The following ZFYVE9 variants were observed in gnomAD, a reference collection of about 807,000 sequenced individuals.
ZFYVE9 encodes zinc finger FYVE domain-containing protein 9.
In ZFYVE9, 43 loss-of-function variants were observed where a neutral mutation model predicts 126.7. The ratio of observed to expected loss-of-function variants is 0.34; its 90% CI spans 0.27 to 0.44. The LOEUF (loss-of-function observed/expected upper bound fraction) is 0.44. Ranked by LOEUF, ZFYVE9 falls within the 20% of genes least tolerant of loss-of-function variation. ZFYVE9 has a pLI of 1.00. For synonymous variants in ZFYVE9, 521 were observed against 597.4 expected, an observed-to-expected ratio of 0.87 and a Z score of 1.87; for missense variants, 1,476 against 1,697.0, an observed-to-expected ratio of 0.87 and a Z score of 2.29.
intron 4 of ZFYVE9, among the ~76,000 whole-genome samples, chr1:52,241,741 CTG>C: frequency 6.6e-6 from 1 of 152,044 alleles, no homozygotes; most frequent in South Asian, 2.1e-4. Context: ...GAGATAATAT[CTG>C]TAAAAATCCT....
chr1:52,230,323 G>A (rs1241435356), intron 2 of ZFYVE9, among the ~76,000 whole-genome samples: 1 of 151,960 alleles, frequency 6.6e-6, no homozygotes, highest in Non-Finnish European at 1.5e-5. Context: ...ACTTCCCAAG[G>A]CCCCACCCCG....
At chr1:52,314,073 C>T (rs770243630) in intron 13 of ZFYVE9, among the ~76,000 whole-genome samples, 1 of 152,048 alleles carries the variant, frequency 6.6e-6, no homozygotes, top group Admixed American at 6.6e-5. Flanking sequence ...TAAAAAATTT[C>T]CAAATTTAAT....
chr1:52,333,661 A>C (rs1004012619), intron 14 of ZFYVE9, among the ~76,000 whole-genome samples: 20 of 152,180 alleles, frequency 1.3e-4, no homozygotes, highest in African/African-American at 4.6e-4. Flanking sequence ...TTAATCTAAG[A>C]AACCCCGTGT....
chr1:52,201,914 G>C (rs1015399824), intron 1 of ZFYVE9, among the ~76,000 whole-genome samples: 2 of 151,636 alleles, frequency 1.3e-5, no homozygotes, highest in African/African-American at 4.8e-5. Context: ...CTCCTGAGTA[G>C]CTGGAATTAC....
intron 14 of ZFYVE9, among the ~76,000 whole-genome samples, chr1:52,333,492 A>AT (rs1407585326): frequency 6.6e-6 from 1 of 152,094 alleles, no homozygotes; most frequent in African/African-American, 2.4e-5. Context: ...CACACCCCAG[A>AT]TTCACTAATC....
chr1:52,287,067 C>A lies in ZFYVE9; in HGVS notation c.3025+5251C>A, dbSNP rs572367721. ...GACAGAAGTAGTCTCTTCTGAACTC[C>A]CTTAATCTTTTATTTTTAATTTAAT... On this transcript the variant is annotated intron_variant, in intron 10 of 18. Coordinates refer to ENST00000287727, the MANE Select transcript of ZFYVE9 (RefSeq NM_004799.4). Among the ~76,000 whole-genome samples the A allele has an allele frequency of 2.6e-5, 4 of 152,014 alleles. No individual in the cohort carries two copies. The East Asian group carries it at 7.7e-4, about 29-fold the overall frequency.
chr1:52,287,540 A>G (rs1010474316), intron 10 of ZFYVE9, among the ~76,000 whole-genome samples: 9 of 152,272 alleles, frequency 5.9e-5, no homozygotes, highest in African/African-American at 2.2e-4. Flanking sequence ...TGATTAGGCC[A>G]TGAGGGCTTC....
At chr1:52,194,520 A>T (rs1418209498) in intron 1 of ZFYVE9, among the ~76,000 whole-genome samples, 1 of 152,226 alleles carries the variant, frequency 6.6e-6, no homozygotes, top group East Asian at 1.9e-4. Flanking sequence ...TCATAATGAA[A>T]AATACAAATT....
intron 4 of ZFYVE9, among the ~76,000 whole-genome samples, chr1:52,242,609 G>C (rs539580169): frequency 3.9e-5 from 6 of 151,938 alleles, no homozygotes; most frequent in Non-Finnish European, 8.8e-5. Context: ...TATAACGGGT[G>C]TAAGAACTTT....
At chr1:52,261,726 A>G (rs1284037999) in intron 4 of ZFYVE9, among the ~76,000 whole-genome samples, 2 of 152,250 alleles carry the variant, frequency 1.3e-5, no homozygotes, top group Admixed American at 6.5e-5. Context: ...GGTTATCATC[A>G]TGATCGTTTA....
intron 8 of ZFYVE9, 142 bp from the exon 9 acceptor site, chr1:52,278,350 A>G (rs80318843): frequency 0.056 from 59,364 of 1,061,864 alleles, 1,957 homozygotes; most frequent in African/African-American, 0.11. Flanking sequence ...GAGCCAGCAG[A>G]TACAAACCAT....
intron 4 of ZFYVE9, among the ~76,000 whole-genome samples, chr1:52,259,776 GAC>G (rs1645561072): frequency 1.3e-5 from 2 of 152,166 alleles, no homozygotes; most frequent in East Asian, 3.9e-4. Flanking sequence ...CAGCCTGGGC[GAC>G]ACAGCAAGAC....
chr1:52,194,249 A>G (rs1016796331), intron 1 of ZFYVE9, among the ~76,000 whole-genome samples: 3 of 152,248 alleles, frequency 2.0e-5, no homozygotes, highest in East Asian at 3.8e-4. Flanking sequence ...TGAAAATAGC[A>G]TAGAAAACAT....
At chr1:52,146,871 A>C (rs956747155) in intron 1 of ZFYVE9, among the ~76,000 whole-genome samples, 3 of 152,178 alleles carry the variant, frequency 2.0e-5, no homozygotes, top group African/African-American at 7.2e-5. Flanking sequence ...TTAATAAAAT[A>C]ATTTGAAAAG....
At chr1:52,283,657 T>A (rs1178776460) in intron 10 of ZFYVE9, among the ~76,000 whole-genome samples, 1 of 152,154 alleles carries the variant, frequency 6.6e-6, no homozygotes, top group Non-Finnish European at 1.5e-5. Flanking sequence ...ACAGGCAAAA[T>A]TAATCTTTGG....
chr1:52,227,966 C>T (rs1223075548), intron 2 of ZFYVE9, among the ~76,000 whole-genome samples: 2 of 152,336 alleles, frequency 1.3e-5, no homozygotes, highest in Middle Eastern at 3.4e-3. Context: ...CTCCTATGGA[C>T]TGCCACTCTT....
In ZFYVE9 at chr1:52,274,510, C is replaced by G. The variant is rs1216729444; in HGVS notation, c.2672C>G (p.Pro891Arg). ...FSGSITQVGS[P>R]VGSAMNLIPE... ...GGGAGTATAACTCAGGTTGGAAGTC[C>G]TGTTGGAAGTGCAATGAATCTTATT... The change falls in exon 8 of 19, where the codon CCT becomes CGT. Residue 891 changes from proline to arginine, a missense_variant. Pro to Arg is a moderately radical substitution (Grantham distance 103). Around this residue, in one of 2 missense-constraint regions of ZFYVE9, gnomAD observed 669 missense variants for 902.4 expected, o/e 0.74. Transcript: ENST00000287727. 6.2e-7 allele frequency: 1 copy of G among 1,612,576 alleles called. No homozygotes were observed. Among genetic ancestry groups the G allele is most frequent in the African/African-American group, 1.3e-5 (1 of 74,888 alleles).
At chr1:52,202,168 C>T (rs986034937) in intron 1 of ZFYVE9, among the ~76,000 whole-genome samples, 2 of 152,120 alleles carry the variant, frequency 1.3e-5, no homozygotes, top group Admixed American at 1.3e-4. Flanking sequence ...TTTTTTTCCT[C>T]TTTCTTCCTG....
intron 8 of ZFYVE9, among the ~76,000 whole-genome samples, chr1:52,277,848 A>G (rs1039609959): frequency 6.6e-6 from 1 of 152,204 alleles, no homozygotes; most frequent in Non-Finnish European, 1.5e-5. Context: ...AGTTACATTC[A>G]GTATTAACTT....
Sources: allele counts gnomAD v4.1 joint callset (sites outside exome capture counted in the v4.1 genomes callset), GRCh38; gene constraint gnomAD v4.1.1; regional missense constraint gnomAD v4.1.1; transcripts MANE v1.5; gene names NCBI Gene and HGNC (gene_info 2026-07-23, HGNC 2026-07-21).